The following SEC24D variants were observed in gnomAD, a reference collection of about 807,000 sequenced individuals.
SEC24D encodes the protein protein transport protein Sec24D.
In SEC24D, 69 loss-of-function variants were observed where a neutral mutation model predicts 116.9. The ratio of observed to expected loss-of-function variants is 0.59; its 90% CI spans 0.49 to 0.72. SEC24D has a LOEUF of 0.72. Among genes scored for constraint, SEC24D ranks in the 30% least tolerant of loss-of-function variants. The pLI is 0.00. For missense variants in SEC24D, 1,131 were observed against 1,264.1 expected, an observed-to-expected ratio of 0.89 and a Z score of 1.60; for synonymous variants, 405 against 442.8, an observed-to-expected ratio of 0.91 and a Z score of 1.07.
At chr4:118,801,517 T>C (rs896424435) in intron 7 of SEC24D, among the ~76,000 whole-genome samples, 2 of 152,220 alleles carry the variant, frequency 1.3e-5, no homozygotes, top group Non-Finnish European at 2.9e-5. Context: ...TGCTTAATAG[T>C]GTTTGTTTCA....
intron 4 of SEC24D, among the ~76,000 whole-genome samples, chr4:118,816,570 G>A (rs947855771): frequency 2.0e-4 from 31 of 152,172 alleles, no homozygotes; most frequent in African/African-American, 7.5e-4. Context: ...CTCTGATTAT[G>A]GGAAACTGGG....
intron 2 of SEC24D, among the ~76,000 whole-genome samples, chr4:118,832,084 T>G (rs1730885216): frequency 6.6e-6 from 1 of 151,946 alleles, no homozygotes; most frequent in Admixed American, 6.6e-5. Context: ...GCGCCTGTAA[T>G]CCCAGCTACT....
intron 7 of SEC24D, 33 bp from the exon 8 acceptor site, chr4:118,797,843 G>A: frequency 6.6e-7 from 1 of 1,521,546 alleles, no homozygotes; most frequent in South Asian, 1.3e-5. Context: ...CTTAAAACTT[G>A]TTTAGAAAAA....
At chr4:118,830,903 T>C (rs1220896253) in intron 2 of SEC24D, among the ~76,000 whole-genome samples, 3 of 152,204 alleles carry the variant, frequency 2.0e-5, no homozygotes, top group East Asian at 1.9e-4. Flanking sequence ...GATGGATGGA[T>C]TGAACAAAAA....
At chr4:118,742,209 C>T (rs968282286) in intron 15 of SEC24D, among the ~76,000 whole-genome samples, 2 of 152,008 alleles carry the variant, frequency 1.3e-5, no homozygotes, top group East Asian at 1.9e-4. Flanking sequence ...ATGATTACAC[C>T]ACAGAGCACC....
intron 3 of SEC24D, among the ~76,000 whole-genome samples, chr4:118,818,157 G>T (rs28690601): frequency 0.021 from 3,203 of 152,264 alleles, 103 homozygotes; most frequent in African/African-American, 0.074. Context: ...TGGACAATGT[G>T]CCTAGCATGG....
intron 13 of SEC24D, among the ~76,000 whole-genome samples, chr4:118,747,074 A>G (rs58068017): frequency 6.6e-6 from 1 of 152,282 alleles, no homozygotes; most frequent in East Asian, 1.9e-4. Context: ...TAAATGAAGA[A>G]GCACATGTAC....
At chr4:118,724,288 CAGGG>C (rs1232905392) in intron 22 of SEC24D, among the ~76,000 whole-genome samples, 3 of 152,036 alleles carry the variant, frequency 2.0e-5, no homozygotes, top group Non-Finnish European at 4.4e-5. Context: ...ACAGGGAAAA[CAGGG>C]AGAACTCCTG....
At chr4:118,787,343 T>C (rs575863697) in intron 8 of SEC24D, among the ~76,000 whole-genome samples, 6 of 152,364 alleles carry the variant, frequency 3.9e-5, no homozygotes, top group Non-Finnish European at 8.8e-5. Flanking sequence ...AAATAAATTC[T>C]GGCTTTTGAA....
intron 8 of SEC24D, among the ~76,000 whole-genome samples, chr4:118,773,909 T>C (rs568012913): frequency 6.6e-6 from 1 of 152,304 alleles, no homozygotes; most frequent in African/African-American, 2.4e-5. Context: ...GCAATACTAT[T>C]CTATTTAGAA....
intron 8 of SEC24D, among the ~76,000 whole-genome samples, chr4:118,781,413 GCCC>G (rs1728407183): frequency 6.6e-6 from 1 of 152,102 alleles, no homozygotes; most frequent in African/African-American, 2.4e-5. Context: ...TTGAATATTG[GCCC>G]CCACTCTCTT....
At chr4:118,777,264 C>A (rs112685951) in intron 8 of SEC24D, among the ~76,000 whole-genome samples, 1 of 152,134 alleles carries the variant, frequency 6.6e-6, no homozygotes, top group African/African-American at 2.4e-5. Context: ...ATCCCTCCCC[C>A]AGCCCTCCAC....
In SEC24D at chr4:118,726,746, C is replaced by T. The variant is rs187080685; in HGVS notation, c.2958+1815G>A. On this transcript the variant is annotated intron_variant, in intron 22 of 22. Coordinates refer to ENST00000280551, the MANE Select transcript of SEC24D (RefSeq NM_014822.4). ...AATTTCTCAGGAAGGCACTTGGTTTCGGTCATCTGTAGATATACTGTGGTA... is the reference window on the plus strand; with the variant it reads ...AATTTCTCAGGAAGGCACTTGGTTTTGGTCATCTGTAGATATACTGTGGTA... 3.9e-5 allele frequency among the ~76,000 whole-genome samples: 6 copies of T among 152,056 alleles called. No homozygotes were observed. In the East Asian group the frequency reaches 5.8e-4, roughly 15 times the overall value.
chr4:118,744,989 G>T lies in SEC24D; in HGVS notation c.1779C>A (p.Leu593=), dbSNP rs200080622. The T allele has an allele frequency of 8.7e-6, 14 of 1,611,460 alleles. No individual in the cohort carries two copies. In the East Asian group the frequency reaches 2.7e-4, roughly 31 times the overall value. The change falls in exon 14 of 23, where the codon CTC becomes CTA. Residue 593 remains leucine, a synonymous_variant. Coordinates refer to ENST00000280551, the MANE Select transcript of SEC24D (RefSeq NM_014822.4). ...SLPTAEAPGK[L]KNRDDKKLVN... The stretch of plus-strand genomic sequence containing the variant: ...CCAGTTTTTTGTCATCTCTGTTTTT[G>T]AGCTTCCCTGGTGCTTCAGCAGTTG...
rs1301176672 is a variant in SEC24D at position 118,723,093 on chromosome 4, G to A, written c.*422C>T. 1.3e-5 allele frequency: 2 copies of A among 153,122 alleles called. No homozygotes were observed. Among genetic ancestry groups the A allele is most frequent in the African/African-American group, 4.8e-5 (2 of 41,452 alleles). The allele number at this position is 153,122 out of a possible 1,614,324, so 9.5% of individuals were successfully genotyped here. A position where few individuals can be genotyped will look rare whatever the true frequency, so the allele number is the denominator to read the frequency against. ...TGTTCAATGGAGTTACATGGTTTTA[G>A]AAAATTAAGTATAATGTAAAAATTA... On this transcript the variant is annotated 3_prime_UTR_variant, in exon 23 of 23. Transcript: ENST00000280551.
Position 118,752,836 on chromosome 4 carries a change from T to A in SEC24D, c.1474A>T (p.Lys492Ter). ...AIRVGFITYNKVLHFFNVKSN... is the reference protein window; with the variant it reads ...AIRVGFITYN ...TTCACATTAAAGAAATGGAGAACTT[T>A]GTTATATGTGATAAAACCCACTCGA... The change falls in exon 12 of 23, where the codon AAA becomes TAA. Residue 492 changes from lysine (K) to a stop codon, truncating the protein, a stop_gained. Transcript: ENST00000280551. LOFTEE classifies it high-confidence loss of function. 6.2e-7 allele frequency: 1 copy of A among 1,608,536 alleles called. No individual in the cohort carries two copies. Among genetic ancestry groups the A allele is most frequent in the Non-Finnish European group, 8.5e-7 (1 of 1,178,234 alleles).
intron 8 of SEC24D, chr4:118,769,869 T>A (rs1043044400): frequency 6.6e-6 from 1 of 152,074 alleles, no homozygotes; most frequent in African/African-American, 2.4e-5. Context: ...GTGACAAGGA[T>A]TAGGTGAGTA....
At chr4:118,826,071 T>C (rs1730580185) in intron 2 of SEC24D, among the ~76,000 whole-genome samples, 1 of 151,946 alleles carries the variant, frequency 6.6e-6, no homozygotes, top group Non-Finnish European at 1.5e-5. Flanking sequence ...TTTACAAGGT[T>C]TCCTCTCTTA....
chr4:118,817,488 G>T, intron 3 of SEC24D, 76 bp from the exon 4 acceptor site: 1 of 1,296,022 alleles, frequency 7.7e-7, no homozygotes, highest in Non-Finnish European at 1.0e-6. Flanking sequence ...TTAATAGCTT[G>T]TAAAATTAAA....
Sources: allele counts gnomAD v4.1 joint callset (sites outside exome capture counted in the v4.1 genomes callset), GRCh38; gene constraint gnomAD v4.1.1; transcripts MANE v1.5; gene names NCBI Gene and HGNC (gene_info 2026-07-23, HGNC 2026-07-21).